DESI2: variants seen among roughly 807,000 people sequenced by gnomAD.
DESI2 encodes the protein deubiquitinase DESI2.
Under a neutral mutation model 24.1 loss-of-function variants are expected in DESI2, and 10 were observed. That is an observed-to-expected ratio of 0.41 (90% CI 0.26 to 0.70). The LOEUF (loss-of-function observed/expected upper bound fraction) is 0.70, where lower values mean the gene tolerates loss of function less well. Among genes scored for constraint, DESI2 ranks in the 30% least tolerant of loss-of-function variants. DESI2 has a pLI of 0.29. For synonymous variants in DESI2, 71 were observed against 87.7 expected (o/e 0.81, Z 1.06); for missense variants, 122 against 234.9 (o/e 0.52, Z 3.14).
At chr1:244,694,483 C>T (rs1258538801) in intron 4 of DESI2, 5 of 791,886 alleles carry the variant, frequency 6.3e-6, no homozygotes, top group Non-Finnish European at 1.1e-5. Context: ...GGTGGTGTTC[C>T]TTCACGGAAT....
intron 1 of DESI2, among the ~76,000 whole-genome samples, chr1:244,672,395 T>C (rs1676276961): frequency 1.3e-5 from 2 of 152,140 alleles, no homozygotes; most frequent in Non-Finnish European, 2.9e-5. Flanking sequence ...TCCACCATGA[T>C]TGGAAGCTTC....
chr1:244,657,858 T>TA (rs879277659), intron 1 of DESI2, among the ~76,000 whole-genome samples: 1 of 152,204 alleles, frequency 6.6e-6, no homozygotes, highest in Non-Finnish European at 1.5e-5. Context: ...AGGAAAAACT[T>TA]ACCAGAGCCC....
At chr1:244,678,462 G>A (rs145322282) in intron 1 of DESI2, among the ~76,000 whole-genome samples, 18 of 152,232 alleles carry the variant, frequency 1.2e-4, no homozygotes, top group African/African-American at 4.3e-4. Context: ...CTGAGTTTAG[G>A]ATGCCCACTC....
chr1:244,694,459 C>T lies in DESI2; in HGVS notation c.351+2439C>T, dbSNP rs886926934. ...GATGAACTGGATGCTGCAGCAGCTG[C>T]CCTCTTGGGTTTAGGTGGTGTTCCT... On this transcript the variant is annotated intron_variant, in intron 4 of 4. Coordinates refer to ENST00000302550, the MANE Select transcript of DESI2 (RefSeq NM_016076.5). The T allele has an allele frequency of 3.9e-6, 3 of 777,864 alleles. No individual in the cohort carries two copies. In the Admixed American group the frequency reaches 5.2e-5, roughly 13 times the overall value. 48.2% of individuals were successfully genotyped at this position (777,864 alleles called of 1,614,324 possible).
At chr1:244,680,236 C>CTAG in intron 1 of DESI2, among the ~76,000 whole-genome samples, 1 of 152,138 alleles carries the variant, frequency 6.6e-6, no homozygotes, top group Admixed American at 6.5e-5. Context: ...TTGCTTGAGC[C>CTAG]TAGGAGTTCG....
intron 4 of DESI2, among the ~76,000 whole-genome samples, chr1:244,699,370 T>G (rs1677347996): frequency 6.6e-6 from 1 of 151,512 alleles, no homozygotes. Flanking sequence ...GATCACGAGG[T>G]CAAGAGATCG....
intron 1 of DESI2, among the ~76,000 whole-genome samples, chr1:244,654,319 G>T (rs1227582311): frequency 1.3e-5 from 2 of 152,204 alleles, no homozygotes; most frequent in Non-Finnish European, 2.9e-5. Context: ...ACTGACAAAT[G>T]AAAAATTGCC....
rs1573201630 is a variant in DESI2, at chr1:244,678,417, T to C, written c.43-8180T>C. On this transcript the variant is annotated intron_variant, in intron 1 of 4. Coordinates refer to ENST00000302550, the MANE Select transcript of DESI2 (RefSeq NM_016076.5). The stretch of plus-strand genomic sequence containing the variant: ...GAATCCCCAAGCATAGAAGAAATTA[T>C]TTTCATTTGTGAAAAGGCAGAGAAT... 2.0e-5 allele frequency among the ~76,000 whole-genome samples: 3 copies of C among 152,370 alleles called. No individual in the cohort carries two copies. In the South Asian group the frequency reaches 6.2e-4, roughly 32 times the overall value.
rs112558453 is a variant in DESI2, at chr1:244,661,630, A to G, written c.42+8275A>G. Reference sequence around the variant, plus strand: ...TGTGTCCAAGTGTTCTCCTTGTTCAATTCCCACCTATGAGTGAGAACATGC... The same window carrying G: ...TGTGTCCAAGTGTTCTCCTTGTTCAGTTCCCACCTATGAGTGAGAACATGC... On this transcript the variant is annotated intron_variant, in intron 1 of 4. Transcript: ENST00000302550. Among the ~76,000 whole-genome samples, 545 of 151,908 alleles carry G rather than the reference A, an allele frequency of 3.6e-3. 2 individuals are homozygous for G. The highest frequency in any genetic ancestry group is 0.013 in the African/African-American group (521 of 41,382).
rs561526079 is a variant in DESI2 at position 244,681,283 on chromosome 1, A to T, written c.43-5314A>T. Among the ~76,000 whole-genome samples the T allele has an allele frequency of 3.3e-5, 5 of 152,294 alleles. No individual in the cohort carries two copies. The South Asian group carries it at 1.0e-3, about 32-fold the overall frequency. ...TAATATATATTCTTTATGAGTTTAT[A>T]CAGATGCTTCCCGTTACGATCCAGT... On this transcript the variant is annotated intron_variant, in intron 1 of 4. Coordinates refer to ENST00000302550, the MANE Select transcript of DESI2 (RefSeq NM_016076.5).
At chr1:244,683,342 C>T (rs548709942) in intron 1 of DESI2, among the ~76,000 whole-genome samples, 59 of 151,624 alleles carry the variant, frequency 3.9e-4, no homozygotes, top group African/African-American at 1.2e-3. Context: ...GACAGAGTCT[C>T]GCTCTGTCGC....
chr1:244,689,452 C>G lies in DESI2; in HGVS notation c.209+110C>G. The stretch of plus-strand genomic sequence containing the variant: ...AACAAACCCAAGAAGTTAAAAATGT[C>G]TCTTTGTTTTAATTGCTGACATTTT... On this transcript the variant is annotated intron_variant, in intron 3 of 4. Coordinates refer to ENST00000302550, the MANE Select transcript of DESI2 (RefSeq NM_016076.5). The surrounding 1 kb of genome is among the most constrained non-coding windows in gnomAD (Gnocchi z 4.0). 1 of 593,378 alleles carries G rather than the reference C, an allele frequency of 1.7e-6. No homozygotes were observed. The highest frequency in any genetic ancestry group is 1.9e-5 in the African/African-American group (1 of 52,232). 36.8% of individuals were successfully genotyped at this position (593,378 alleles called of 1,614,324 possible). A position where few individuals can be genotyped will look rare whatever the true frequency, so the allele number is the denominator to read the frequency against.
intron 1 of DESI2, among the ~76,000 whole-genome samples, chr1:244,670,979 A>T (rs906642564): frequency 4.6e-5 from 7 of 152,212 alleles, no homozygotes; most frequent in African/African-American, 1.2e-4. Context: ...AACTAGGGGG[A>T]CATTGTGGGC....
chr1:244,653,999 T>C (rs1157059477), intron 1 of DESI2: 5 of 471,094 alleles, frequency 1.1e-5, no homozygotes, highest in Non-Finnish European at 2.2e-5. Context: ...GGTGCTCCTT[T>C]CCTACACTCT....
rs776464157 is a variant in DESI2 at position 244,653,365 on chromosome 1, G to T, written c.42+10G>T. 1 of 1,543,384 alleles carries T rather than the reference G, an allele frequency of 6.5e-7. No homozygotes were observed. The highest frequency in any genetic ancestry group is 8.7e-7 in the Non-Finnish European group (1 of 1,152,008). ...CAACGTGTACGACATGGTGAGTGCG[G>T]CCCCTGGCGGCCCCGAGCCCTGGCC... is the stretch of plus-strand genomic sequence containing the variant. On this transcript the variant is annotated intron_variant, in intron 1 of 4. Coordinates refer to ENST00000302550, the MANE Select transcript of DESI2 (RefSeq NM_016076.5).
chr1:244,691,835 T>C, intron 3 of DESI2, 44 bp from the exon 4 acceptor site: 2 of 1,451,040 alleles, frequency 1.4e-6, no homozygotes, highest in Non-Finnish European at 1.9e-6. Context: ...GACACAACTA[T>C]GTCCTTATTT....
chr1:244,691,630 G>C (rs1348345389), intron 3 of DESI2, among the ~76,000 whole-genome samples: 1 of 152,172 alleles, frequency 6.6e-6, no homozygotes, highest in African/African-American at 2.4e-5. Flanking sequence ...ATTTCATAAA[G>C]AAAATGACTT....
At chr1:244,684,789 A>G in intron 1 of DESI2, among the ~76,000 whole-genome samples, 1 of 152,234 alleles carries the variant, frequency 6.6e-6, no homozygotes, top group East Asian at 1.9e-4. Context: ...TCTATAGAAT[A>G]GATTCCAGAA....
chr1:244,683,649 C>T (rs1050136750), intron 1 of DESI2, among the ~76,000 whole-genome samples: 3 of 151,974 alleles, frequency 2.0e-5, no homozygotes, highest in Non-Finnish European at 2.9e-5. Context: ...TTTTGTTTCC[C>T]TAACAAATAT....
Sources: allele counts gnomAD v4.1 joint callset (sites outside exome capture counted in the v4.1 genomes callset), GRCh38; gene constraint gnomAD v4.1.1; non-coding constraint Gnocchi (gnomAD v3.1); transcripts MANE v1.5; gene names NCBI Gene and HGNC (gene_info 2026-07-23, HGNC 2026-07-21).